Variants in PRKCA observed in about 807,000 individuals in gnomAD.
The protein encoded by PRKCA is protein kinase C alpha.
Under a neutral mutation model 87.0 loss-of-function variants are expected in PRKCA, and 27 were observed. The observed-to-expected ratio is 0.31, with a 90% CI of 0.23 to 0.43. The LOEUF is 0.43. Among genes scored for constraint, PRKCA ranks in the 20% least tolerant of loss-of-function variants. PRKCA has a pLI of 1.00. For synonymous variants in PRKCA, 329 were observed against 311.1 expected, an observed-to-expected ratio of 1.06 and a Z score of -0.61; for missense variants, 518 against 852.3, an observed-to-expected ratio of 0.61 and a Z score of 4.88.
chr17:66,363,014 C>T (rs572199493), intron 2 of PRKCA, among the ~76,000 whole-genome samples: 6 of 152,160 alleles, frequency 3.9e-5, no homozygotes, highest in Middle Eastern at 3.4e-3. Context: ...CTTTTAGGCA[C>T]CTCAATGTCT....
chr17:66,557,174 T>C (rs927937380), intron 3 of PRKCA, among the ~76,000 whole-genome samples: 6 of 152,258 alleles, frequency 3.9e-5, no homozygotes, highest in Middle Eastern at 3.4e-3. Flanking sequence ...ATTTATGTGA[T>C]TGTTTTCTCA....
intron 2 of PRKCA, chr17:66,404,227 G>A (rs571071092): frequency 6.6e-6 from 1 of 152,194 alleles, no homozygotes; most frequent in African/African-American, 2.4e-5. Context: ...GCAGGACCTC[G>A]TGCTAGGAGA....
At chr17:66,644,348 A>G (rs1770080322) in intron 4 of PRKCA, among the ~76,000 whole-genome samples, 1 of 152,210 alleles carries the variant, frequency 6.6e-6, no homozygotes, top group Admixed American at 6.5e-5. Flanking sequence ...CTCCACCTTG[A>G]TGATTACAGA....
intron 5 of PRKCA, among the ~76,000 whole-genome samples, chr17:66,669,093 C>A (rs1021922944): frequency 7.6e-6 from 1 of 131,434 alleles, no homozygotes; most frequent in South Asian, 2.5e-4. Flanking sequence ...CATAGTGAGA[C>A]CCTCTCTTTA....
chr17:66,335,869 C>A (rs543837238), intron 2 of PRKCA, among the ~76,000 whole-genome samples: 2 of 152,250 alleles, frequency 1.3e-5, no homozygotes, highest in South Asian at 4.1e-4. Flanking sequence ...GATTACTGGG[C>A]TACATAGTAT....
intron 13 of PRKCA, among the ~76,000 whole-genome samples, chr17:66,757,307 C>T (rs1359193368): frequency 1.3e-5 from 2 of 151,040 alleles, no homozygotes; most frequent in Admixed American, 6.6e-5. Context: ...TGGAAGGAGA[C>T]GTAAGAGAGA....
intron 3 of PRKCA, among the ~76,000 whole-genome samples, chr17:66,589,239 C>T (rs8080721): frequency 0.56 from 85,526 of 151,986 alleles, 25,229 homozygotes; most frequent in African/African-American, 0.73. Context: ...CCAAAAAGCA[C>T]AATTCTGTCC....
At chr17:66,720,504 C>G (rs1041827601) in intron 8 of PRKCA, among the ~76,000 whole-genome samples, 4 of 152,216 alleles carry the variant, frequency 2.6e-5, no homozygotes, top group African/African-American at 4.8e-5. Context: ...ACCCTCAGTT[C>G]CTTTGTGGCT....
chr17:66,627,683 C>T (rs1970893634), intron 3 of PRKCA, among the ~76,000 whole-genome samples: 1 of 152,300 alleles, frequency 6.6e-6, no homozygotes, highest in Non-Finnish European at 1.5e-5. Context: ...AAACTAAGTG[C>T]CAAAGAGGCC....
intron 2 of PRKCA, among the ~76,000 whole-genome samples, chr17:66,451,786 C>T (rs1011663424): frequency 5.3e-5 from 8 of 152,266 alleles, no homozygotes; most frequent in Non-Finnish European, 1.0e-4. Flanking sequence ...AGCCACAGCT[C>T]CTGAGTCAAA....
At chr17:66,490,558 A>G (rs1365693747) in intron 2 of PRKCA, among the ~76,000 whole-genome samples, 1 of 151,572 alleles carries the variant, frequency 6.6e-6, no homozygotes, top group East Asian at 1.9e-4. Context: ...GTTAGCCAGG[A>G]TGATCTCGAT....
chr17:66,498,091 A>G (rs1684906108), intron 3 of PRKCA, among the ~76,000 whole-genome samples: 2 of 152,156 alleles, frequency 1.3e-5, no homozygotes, highest in Admixed American at 6.5e-5. Flanking sequence ...TTGCCTGCAT[A>G]CAAACAAAAC....
chr17:66,760,819 A>G (rs556619147), intron 13 of PRKCA, among the ~76,000 whole-genome samples: 3 of 152,334 alleles, frequency 2.0e-5, no homozygotes, highest in Non-Finnish European at 2.9e-5. Flanking sequence ...AGTTGAATCC[A>G]ACATGTATAG....
chr17:66,354,827 A>G (rs1392188859), intron 2 of PRKCA, among the ~76,000 whole-genome samples: 2 of 152,248 alleles, frequency 1.3e-5, no homozygotes, highest in Non-Finnish European at 2.9e-5. Flanking sequence ...AGGATGATCA[A>G]ACAAATTTAA....
At chr17:66,617,399 A>T (rs1202466611) in intron 3 of PRKCA, among the ~76,000 whole-genome samples, 1 of 152,186 alleles carries the variant, frequency 6.6e-6, no homozygotes, top group Non-Finnish European at 1.5e-5. Flanking sequence ...TATCTGACAC[A>T]TACCAGCTTC....
intron 3 of PRKCA, among the ~76,000 whole-genome samples, chr17:66,534,194 T>G (rs1967679616): frequency 6.6e-6 from 1 of 151,788 alleles, no homozygotes; most frequent in Admixed American, 6.6e-5. Flanking sequence ...CATATTCCCC[T>G]CGGGTAGGAA....
chr17:66,692,860 T>C (rs765479766), intron 8 of PRKCA, among the ~76,000 whole-genome samples: 2 of 152,214 alleles, frequency 1.3e-5, no homozygotes, highest in Non-Finnish European at 2.9e-5. Context: ...TGAATCTGTA[T>C]TGGTTGAAAC....
At chr17:66,676,517 G>A (rs987330457) in intron 5 of PRKCA, 4 of 152,336 alleles carry the variant, frequency 2.6e-5, no homozygotes, top group African/African-American at 9.6e-5. Context: ...GTTCCTTTAA[G>A]ATCCCTATTT....
At chr17:66,350,940 C>T (rs550577079) in intron 2 of PRKCA, among the ~76,000 whole-genome samples, 20 of 152,318 alleles carry the variant, frequency 1.3e-4, no homozygotes, top group Non-Finnish European at 2.5e-4. Flanking sequence ...GTGTGGAACT[C>T]GCAGCGTTCT....
Sources: allele counts gnomAD v4.1 joint callset (sites outside exome capture counted in the v4.1 genomes callset), GRCh38; gene constraint gnomAD v4.1.1; transcripts MANE v1.5; gene names NCBI Gene and HGNC (gene_info 2026-07-23, HGNC 2026-07-21).